Variants in CLIP1 observed in about 807,000 individuals in gnomAD.
CLIP1 encodes the protein CAP-Gly domain-containing linker protein 1.
A neutral mutation model predicts 161.6 loss-of-function variants in CLIP1; 66 were observed. The ratio of observed to expected loss-of-function variants is 0.41; its 90% CI spans 0.33 to 0.50. The LOEUF (loss-of-function observed/expected upper bound fraction) is 0.50. CLIP1 is among the 20% of genes least tolerant of loss of function. The pLI is 0.27. For synonymous variants in CLIP1, 598 were observed against 626.2 expected (o/e 0.96, Z 0.67); for missense variants, 1,376 against 1,702.0 (o/e 0.81, Z 3.37).
intron 5 of CLIP1, among the ~76,000 whole-genome samples, chr12:122,357,734 G>A (rs1953527669): frequency 6.8e-6 from 1 of 147,918 alleles, no homozygotes. Flanking sequence ...CGGGAGGTGA[G>A]GGGCGCCTCT....
chr12:122,368,140 T>C (rs1954258875), intron 3 of CLIP1, among the ~76,000 whole-genome samples: 1 of 152,258 alleles, frequency 6.6e-6, no homozygotes, highest in East Asian at 1.9e-4. Context: ...AAAAAAACCC[T>C]AGATACTATT....
At chr12:122,365,301 C>A (rs1194014578) in intron 3 of CLIP1, 13 of 804,754 alleles carry the variant, frequency 1.6e-5, no homozygotes, top group Non-Finnish European at 2.8e-5. Flanking sequence ...GCGTACTGTT[C>A]AAAAAGGAAT....
At chr12:122,293,856 G>A (rs1199562712) in intron 20 of CLIP1, among the ~76,000 whole-genome samples, 1 of 139,564 alleles carries the variant, frequency 7.2e-6, no homozygotes, top group Non-Finnish European at 1.6e-5. Context: ...CCAGGCTGGA[G>A]TGCAGCGGCG....
intron 21 of CLIP1, among the ~76,000 whole-genome samples, chr12:122,282,163 T>G: frequency 6.6e-6 from 1 of 152,240 alleles, no homozygotes; most frequent in Non-Finnish European, 1.5e-5. Flanking sequence ...ATACACCAAA[T>G]GACAGGATAA....
chr12:122,286,593 C>A (rs1955866324), intron 21 of CLIP1, among the ~76,000 whole-genome samples: 1 of 142,180 alleles, frequency 7.0e-6, no homozygotes, highest in Non-Finnish European at 1.5e-5. Flanking sequence ...TGGTGAAACA[C>A]ACGCGCATTC....
At chr12:122,418,007 A>G (rs994008713) in intron 1 of CLIP1, among the ~76,000 whole-genome samples, 1 of 152,080 alleles carries the variant, frequency 6.6e-6, no homozygotes, top group South Asian at 2.1e-4. Flanking sequence ...TGCCCTATGT[A>G]AAATTTCCAT....
At chr12:122,394,144 A>G (rs1955797135) in intron 1 of CLIP1, among the ~76,000 whole-genome samples, 1 of 152,122 alleles carries the variant, frequency 6.6e-6, no homozygotes, top group Admixed American at 6.6e-5. Context: ...TTAAACTCAC[A>G]GTCAAACTTA....
At chr12:122,414,756 C>T (rs549457574) in intron 1 of CLIP1, among the ~76,000 whole-genome samples, 10 of 152,218 alleles carry the variant, frequency 6.6e-5, no homozygotes, top group Middle Eastern at 3.4e-3. Context: ...TGAGCCACCA[C>T]GCCCAGCCCA....
rs140634925 is a variant in CLIP1, at chr12:122,377,442, C to G, written c.604G>C (p.Ala202Pro). The change falls in exon 3 of 26, where the codon GCT (alanine) becomes CCT (proline). Residue 202 changes from alanine to proline, a missense_variant. By Grantham distance (27) the Ala-to-Pro change is conservative (BLOSUM62 -1). This residue lies in a region of CLIP1 where 119 missense variants were observed against 112.0 expected (regional missense o/e 1.06). Coordinates refer to ENST00000620786, the MANE Select transcript of CLIP1 (RefSeq NM_001247997.2). ...CTTTCTCCTTTCTTGATTGAGCCAG[C>G]CTCTGAAAGGTTGGAGATAGATTCA... ...ASESISNLSE[A>P]GSIKKGEREL... 246 of 1,614,116 alleles carry G rather than the reference C, an allele frequency of 1.5e-4. No homozygotes were observed. The African/African-American group carries it at 2.6e-3, about 17-fold the overall frequency.
At chr12:122,403,170 C>G (rs1218616845) in intron 1 of CLIP1, among the ~76,000 whole-genome samples, 1 of 152,162 alleles carries the variant, frequency 6.6e-6, no homozygotes, top group Non-Finnish European at 1.5e-5. Context: ...TGTAAAACTC[C>G]TGAATCTCGA....
intron 24 of CLIP1, chr12:122,276,702 A>G (rs1415038732): frequency 3.3e-6 from 1 of 302,306 alleles, no homozygotes; most frequent in Non-Finnish European, 6.5e-6. Flanking sequence ...GAACATGACT[A>G]ATACATACAA....
At chr12:122,327,914 T>C in intron 17 of CLIP1, 33 bp downstream of exon 17, 1 of 1,605,132 alleles carries the variant, frequency 6.2e-7, no homozygotes, top group African/African-American at 1.3e-5. Context: ...TCAGGCAAGC[T>C]ACAACACAAG....
At chr12:122,310,561 C>T (rs1388882293) in intron 19 of CLIP1, among the ~76,000 whole-genome samples, 1 of 152,102 alleles carries the variant, frequency 6.6e-6, no homozygotes, top group East Asian at 1.9e-4. Flanking sequence ...TGAATATCAG[C>T]ATAGAAAAAA....
chr12:122,276,641 A>C, intron 24 of CLIP1: 2 of 368,626 alleles, frequency 5.4e-6, no homozygotes, highest in South Asian at 5.1e-5. Context: ...TCTCAAGGTG[A>C]GTTTTTCTTT....
chr12:122,306,578 C>T (rs1850693305), intron 20 of CLIP1, among the ~76,000 whole-genome samples: 1 of 152,110 alleles, frequency 6.6e-6, no homozygotes, highest in Admixed American at 6.6e-5. Context: ...CTGCAGAGCC[C>T]GCACCTGACC....
intron 1 of CLIP1, among the ~76,000 whole-genome samples, chr12:122,390,454 G>A (rs561794212): frequency 6.6e-6 from 1 of 151,312 alleles, no homozygotes; most frequent in Admixed American, 6.6e-5. Context: ...TGGGACTACA[G>A]GTATGCGCCA....
intron 1 of CLIP1, among the ~76,000 whole-genome samples, chr12:122,401,574 A>T (rs1220556299): frequency 2.0e-5 from 3 of 152,158 alleles, no homozygotes; most frequent in Non-Finnish European, 4.4e-5. Flanking sequence ...AGGCTGAGGC[A>T]GGAGAACTGC....
At chr12:122,343,953 C>T (rs1952626938) in intron 10 of CLIP1, 1 of 152,258 alleles carries the variant, frequency 6.6e-6, no homozygotes, top group African/African-American at 2.4e-5. Context: ...TGAGGTGGTA[C>T]ATGCCTATAT....
At chr12:122,356,686 G>A (rs573765318) in intron 5 of CLIP1, among the ~76,000 whole-genome samples, 4 of 152,130 alleles carry the variant, frequency 2.6e-5, no homozygotes, top group East Asian at 1.9e-4. Context: ...CTCTGATGCC[G>A]AGCCGAAGCT....
Sources: allele counts gnomAD v4.1 joint callset (sites outside exome capture counted in the v4.1 genomes callset), GRCh38; gene constraint gnomAD v4.1.1; regional missense constraint gnomAD v4.1.1; transcripts MANE v1.5; gene names NCBI Gene and HGNC (gene_info 2026-07-23, HGNC 2026-07-21).